Variants in SLITRK5 observed in about 807,000 individuals in gnomAD.
SLITRK5 encodes SLIT and NTRK like family member 5.
A neutral mutation model predicts 56.2 loss-of-function variants in SLITRK5; 23 were observed. The ratio of observed to expected loss-of-function variants is 0.41; its 90% CI spans 0.29 to 0.58. The LOEUF is 0.58. SLITRK5 is among the 20% of genes least tolerant of loss of function. The pLI is 0.30. For synonymous variants in SLITRK5, 637 were observed against 531.8 expected, an observed-to-expected ratio of 1.20 and a Z score of -2.72; for missense variants, 1,289 against 1,226.6, an observed-to-expected ratio of 1.05 and a Z score of -0.76.
In SLITRK5 at chr13:87,677,446, G is replaced by A; in HGVS notation, c.2058G>A (p.Val686=). 1 of 1,613,048 alleles carries A rather than the reference G, an allele frequency of 6.2e-7. No individual in the cohort carries two copies. Residue 686 remains valine, a synonymous_variant, in exon 2 of 2, where the codon GTG becomes GTA. Transcript: ENST00000683689. This position sits in a 1 kb window ranked among gnomAD's most constrained non-coding sequence, Gnocchi z 4.7. The part of the protein sequence containing the change: ...MSVFVAAGLF[V]LVMKRRKKNQ... ...TCTTCGTGGCCGCCGGGCTCTTCGTGCTGGTCATGAAGCGCAGGAAGAAGA... is the reference window on the plus strand; with the variant it reads ...TCTTCGTGGCCGCCGGGCTCTTCGTACTGGTCATGAAGCGCAGGAAGAAGA...
chr13:87,674,210 G>A (rs983987751), intron 1 of SLITRK5, among the ~76,000 whole-genome samples: 2 of 152,078 alleles, frequency 1.3e-5, no homozygotes, highest in Admixed American at 6.5e-5. Flanking sequence ...GACCTAAGTC[G>A]CTTACAGTTC....
At position 87,675,767 on chromosome 13, in the gene SLITRK5, G is replaced by A; in HGVS notation, c.379G>A (p.Gly127Arg). Residue 127 changes from glycine to arginine, a missense_variant, in exon 2 of 2, where the codon GGG becomes AGG. Physicochemically the swap from Gly to Arg is moderately radical, Grantham distance 125. This residue lies in a region of SLITRK5 where 291 missense variants were observed against 286.7 expected (regional missense o/e 1.02). Coordinates refer to ENST00000683689, the MANE Select transcript of SLITRK5 (RefSeq NM_001384609.1). Reference sequence around the variant, plus strand: ...GGACATTGAGACCGGGGCTTTCCATGGGCTACGGGGTTTGAGGAGATTGCA... The same window carrying A: ...GGACATTGAGACCGGGGCTTTCCATAGGCTACGGGGTTTGAGGAGATTGCA... ...IQDIETGAFH[G>R]LRGLRRLHLN... The A allele has an allele frequency of 6.2e-7, 1 of 1,614,090 alleles. No individual in the cohort carries two copies. Among genetic ancestry groups the A allele is most frequent in the Non-Finnish European group, 8.5e-7 (1 of 1,180,018 alleles).
chr13:87,671,406 T>G lies in SLITRK5; in HGVS notation c.-812T>G, dbSNP rs1008018181. On this transcript the variant is annotated 5_prime_UTR_variant, in exon 1 of 2. Coordinates refer to ENST00000683689, the MANE Select transcript of SLITRK5 (RefSeq NM_001384609.1). Reference sequence around the variant, plus strand: ...CGCTTCGCCCCGGGCCCATCATGTCTGCTGCAGCTTGGCTCGCACCAGAGG... The same window carrying G: ...CGCTTCGCCCCGGGCCCATCATGTCGGCTGCAGCTTGGCTCGCACCAGAGG... The G allele has an allele frequency of 2.0e-5, 3 of 152,246 alleles. No homozygotes were observed. The highest frequency in any genetic ancestry group is 4.4e-5 in the Non-Finnish European group (3 of 68,166). The allele number at this position is 152,246 out of a possible 1,614,324, so 9.4% of individuals were successfully genotyped here. A position where few individuals can be genotyped will look rare whatever the true frequency, so the allele number is the denominator to read the frequency against.
In SLITRK5 at chr13:87,671,750, C is replaced by T. The variant is rs1877033943; in HGVS notation, c.-468C>T. On this transcript the variant is annotated 5_prime_UTR_variant, in exon 1 of 2. Coordinates refer to ENST00000683689, the MANE Select transcript of SLITRK5 (RefSeq NM_001384609.1). ...CCCTGCAAACACCGTGAGGATGAAA[C>T]TGCCAAAGGGATGCAAGAGCCTCTC... is the stretch of plus-strand genomic sequence containing the variant. Among the ~76,000 whole-genome samples the T allele has an allele frequency of 6.6e-6, 1 of 152,086 alleles. No individual in the cohort carries two copies.
Position 87,678,506 on chromosome 13 carries a change from TG to T in SLITRK5, c.*243del. ...TCTCTTCTTGCGTGTGGGGCAGGTG[TG>T]GAGAAGGGCTTTAAGGAGGCCAATT... is the stretch of plus-strand genomic sequence containing the variant. On this transcript the variant is annotated 3_prime_UTR_variant, in exon 2 of 2. Transcript: ENST00000683689. The T allele has an allele frequency of 1.8e-6, 1 of 544,786 alleles. No homozygotes were observed. 33.7% of individuals were successfully genotyped at this position (544,786 alleles called of 1,614,324 possible).
Position 87,677,863 on chromosome 13 carries a change from C to A in SLITRK5, c.2475C>A (p.Ser825Arg). 1 of 1,607,968 alleles carries A rather than the reference C, an allele frequency of 6.2e-7. No homozygotes were observed. The highest frequency in any genetic ancestry group is 8.5e-7 in the Non-Finnish European group (1 of 1,177,538). The change falls in exon 2 of 2, where the codon AGC (serine) becomes AGA (arginine). Residue 825 changes from serine to arginine, a missense_variant. Physicochemically the swap from Ser to Arg is moderately radical, Grantham distance 110. Around this residue, in one of 3 missense-constraint regions of SLITRK5, gnomAD observed 985 missense variants for 906.0 expected, o/e 1.09. Transcript: ENST00000683689. The surrounding 1 kb of genome is among the most constrained non-coding windows in gnomAD (Gnocchi z 4.7). ...LQPGEEERRE[S>R]HHLRSPAYSV... ...CCGGGGAGGAGGAGAGGCGGGAAAG[C>A]CACCACTTGCGGAGCCCCGCCTACA...
At chr13:87,673,513 G>A (rs1326367934) in intron 1 of SLITRK5, 3 of 1,257,050 alleles carry the variant, frequency 2.4e-6, no homozygotes, top group Admixed American at 4.6e-5. Context: ...GGGAGGGGGA[G>A]GGGACCCAAC....
Position 87,676,688 on chromosome 13 carries a change from G to A in SLITRK5, c.1300G>A (p.Gly434Arg). 6.2e-7 allele frequency: 1 copy of A among 1,614,004 alleles called. No homozygotes were observed. The highest frequency in any genetic ancestry group is 1.3e-5 in the African/African-American group (1 of 75,036). The change falls in exon 2 of 2, where the codon GGG becomes AGG. Residue 434 changes from glycine (G) to arginine (R), a missense_variant. This residue lies in a region of SLITRK5 where 985 missense variants were observed against 906.0 expected (regional missense o/e 1.09). Transcript: ENST00000683689. ...VRRTDFLEAT[G>R]LDLLHLGNNR... is the part of the protein sequence containing the mutation. ...CAGGACAGACTTCCTGGAGGCCACGGGGCTGGACCTCCTGCACCTGGGGAA... is the reference window on the plus strand; with the variant it reads ...CAGGACAGACTTCCTGGAGGCCACGAGGCTGGACCTCCTGCACCTGGGGAA...
Position 87,671,746 on chromosome 13 carries a change from G to A in SLITRK5, c.-472G>A, listed in dbSNP as rs1158442238. Among the ~76,000 whole-genome samples the A allele has an allele frequency of 6.6e-6, 1 of 152,120 alleles. No individual in the cohort carries two copies. Among genetic ancestry groups the A allele is most frequent in the African/African-American group, 2.4e-5 (1 of 41,438 alleles). On this transcript the variant is annotated 5_prime_UTR_variant, in exon 1 of 2. It removes an upstream start codon present in the reference 5' UTR. Coordinates refer to ENST00000683689, the MANE Select transcript of SLITRK5 (RefSeq NM_001384609.1). ...AAAACCCTGCAAACACCGTGAGGAT[G>A]AAACTGCCAAAGGGATGCAAGAGCC...
At position 87,676,747 on chromosome 13, in the gene SLITRK5, C is replaced by T. The variant is rs760927848; in HGVS notation, c.1359C>T (p.Phe453=). 1.2e-6 allele frequency: 2 copies of T among 1,614,084 alleles called. No homozygotes were observed. The highest frequency in any genetic ancestry group is 2.2e-5 in the South Asian group (2 of 91,090). The change falls in exon 2 of 2, where the codon TTC becomes TTT. Residue 453 remains phenylalanine (F), a synonymous_variant. Coordinates refer to ENST00000683689, the MANE Select transcript of SLITRK5 (RefSeq NM_001384609.1). ...TCTCGATGATCCAGGACCGCGCTTT[C>T]GGGGATCTCACCAACCTGAGGCGCC... is the stretch of plus-strand genomic sequence containing the variant. ...NRISMIQDRA[F]GDLTNLRRLY...
At position 87,677,044 on chromosome 13, in the gene SLITRK5, G is replaced by A; in HGVS notation, c.1656G>A (p.Leu552=). 1 of 1,614,108 alleles carries A rather than the reference G, an allele frequency of 6.2e-7. No individual in the cohort carries two copies. Among genetic ancestry groups the A allele is most frequent in the Non-Finnish European group, 8.5e-7 (1 of 1,180,004 alleles). ...SLPVSGVLDQ[L]KSLIQIDLHD... ...CAGTGAGTGGAGTTTTGGACCAGCT[G>A]AAGTCACTCATCCAAATCGACCTGC... Residue 552 remains leucine (L), a synonymous_variant, in exon 2 of 2, where the codon CTG becomes CTA. Coordinates refer to ENST00000683689, the MANE Select transcript of SLITRK5 (RefSeq NM_001384609.1). The surrounding 1 kb of genome is among the most constrained non-coding windows in gnomAD (Gnocchi z 4.7).
In SLITRK5 at chr13:87,676,506, A is replaced by C; in HGVS notation, c.1118A>C (p.Glu373Ala). 1.2e-6 allele frequency: 2 copies of C among 1,614,004 alleles called. No individual in the cohort carries two copies. Among genetic ancestry groups the C allele is most frequent in the Non-Finnish European group, 1.7e-6 (2 of 1,179,986 alleles). ...CAGACCAAATCCCCGGTGCCTTTGG[A>C]GTGTCCCACCGCGTGCTCTTGCAAC... ...AYQTKSPVPL[E>A]CPTACSCNLQ... The change falls in exon 2 of 2, where the codon GAG becomes GCG. Residue 373 changes from glutamate (E) to alanine (A), a missense_variant. Glu to Ala is a moderately radical substitution (Grantham distance 107, BLOSUM62 -1). Transcript: ENST00000683689.
At position 87,676,186 on chromosome 13, in the gene SLITRK5, C is replaced by T. The variant is rs1190772496; in HGVS notation, c.798C>T (p.Thr266=). The part of the protein sequence containing the change: ...SALVGDVVCE[T]PFRLHGRDLD... The stretch of plus-strand genomic sequence containing the variant: ...TGGTGGGGGATGTAGTTTGTGAGAC[C>T]CCCTTCCGCTTACACGGAAGGGACT... The change falls in exon 2 of 2, where the codon ACC becomes ACT. Residue 266 remains threonine, a synonymous_variant. Transcript: ENST00000683689. The T allele has an allele frequency of 3.7e-6, 6 of 1,613,946 alleles. No homozygotes were observed. The highest frequency in any genetic ancestry group is 1.3e-5 in the African/African-American group (1 of 74,886).
chr13:87,675,135 C>T (rs947092996), intron 1 of SLITRK5, among the ~76,000 whole-genome samples: 2 of 152,048 alleles, frequency 1.3e-5, no homozygotes, highest in African/African-American at 4.8e-5. Flanking sequence ...CTGCTCTTAT[C>T]TTGTAAGGAG....
At chr13:87,673,541 C>T in intron 1 of SLITRK5, 2 of 1,281,102 alleles carry the variant, frequency 1.6e-6, no homozygotes, top group Non-Finnish European at 2.0e-6. Context: ...AATGGATGTG[C>T]GGATTTGATC....
rs376245502 is a variant in SLITRK5, at chr13:87,677,969, C to A, written c.2581C>A (p.Pro861Thr). 6.2e-7 allele frequency: 1 copy of A among 1,613,996 alleles called. No individual in the cohort carries two copies. The highest frequency in any genetic ancestry group is 2.2e-5 in the East Asian group (1 of 44,846). ...ADRFYRGILE[P>T]DKHCSTTPAG... ...CCGCTTTTACAGGGGCATTTTAGAA[C>A]CAGACAAACACTGCTCCACCACCCC... The change falls in exon 2 of 2, where the codon CCA becomes ACA. Residue 861 changes from proline (P) to threonine (T), a missense_variant. Physicochemically the swap from Pro to Thr is conservative, Grantham distance 38. This residue lies in a region of SLITRK5 where 985 missense variants were observed against 906.0 expected (regional missense o/e 1.09). Transcript: ENST00000683689. This position sits in a 1 kb window ranked among gnomAD's most constrained non-coding sequence, Gnocchi z 4.7.
chr13:87,677,485 C>G lies in SLITRK5; in HGVS notation c.2097C>G (p.His699Gln), dbSNP rs986130412. ...MKRRKKNQSD[H>Q]TSTNNSDVSS... ...GCAGGAAGAAGAACCAGAGCGACCA[C>G]ACCAGCACCAACAACTCCGACGTGA... The change falls in exon 2 of 2, where the codon CAC becomes CAG. Residue 699 changes from histidine (H) to glutamine (Q), a missense_variant. Around this residue, in one of 3 missense-constraint regions of SLITRK5, gnomAD observed 985 missense variants for 906.0 expected, o/e 1.09. Coordinates refer to ENST00000683689, the MANE Select transcript of SLITRK5 (RefSeq NM_001384609.1). This position sits in a 1 kb window ranked among gnomAD's most constrained non-coding sequence, Gnocchi z 4.7. 5 of 1,611,840 alleles carry G rather than the reference C, an allele frequency of 3.1e-6. No individual in the cohort carries two copies. In the Admixed American group the frequency reaches 6.7e-5, roughly 21 times the overall value.
At chr13:87,674,714 C>T (rs138509416) in intron 1 of SLITRK5, among the ~76,000 whole-genome samples, 349 of 152,228 alleles carry the variant, frequency 2.3e-3, no homozygotes, top group African/African-American at 8.0e-3. Flanking sequence ...AAAGCAAATG[C>T]GCTCTCCTTT....
At chr13:87,673,632 C>T in intron 1 of SLITRK5, 1 of 692,568 alleles carries the variant, frequency 1.4e-6, no homozygotes, top group Non-Finnish European at 2.3e-6. Context: ...AGCCGGGAGA[C>T]GTTTACCGTT....
Sources: allele counts gnomAD v4.1 joint callset (sites outside exome capture counted in the v4.1 genomes callset), GRCh38; gene constraint gnomAD v4.1.1; regional missense constraint gnomAD v4.1.1; non-coding constraint Gnocchi (gnomAD v3.1); transcripts MANE v1.5; gene names NCBI Gene and HGNC (gene_info 2026-07-23, HGNC 2026-07-21).